CPQ: variants seen among roughly 807,000 people sequenced by gnomAD.
CPQ encodes carboxypeptidase Q.
Under a neutral mutation model 45.7 loss-of-function variants are expected in CPQ, and 37 were observed. The ratio of observed to expected loss-of-function variants is 0.81; its 90% CI spans 0.62 to 1.07. CPQ has a LOEUF of 1.07. CPQ is among the 50% of genes least tolerant of loss of function. The probability of loss-of-function intolerance (pLI) is 0.00; values close to 1 mark genes in which losing one functional copy is unlikely to be tolerated. For synonymous variants in CPQ, 186 were observed against 205.8 expected (o/e 0.90, Z 0.82); for missense variants, 537 against 572.9 (o/e 0.94, Z 0.64).
intron 1 of CPQ, among the ~76,000 whole-genome samples, chr8:96,648,388 C>T (rs1194343491): frequency 3.3e-5 from 5 of 152,182 alleles, no homozygotes; most frequent in African/African-American, 1.2e-4. Flanking sequence ...CCCTACCCTC[C>T]CTAAACCACT....
chr8:96,797,833 C>G (rs199596566), intron 2 of CPQ, among the ~76,000 whole-genome samples: 5 of 151,966 alleles, frequency 3.3e-5, no homozygotes, highest in Non-Finnish European at 7.4e-5. Flanking sequence ...AGGTGGATCA[C>G]GAGGTCAGGA....
rs371007842 is a variant in CPQ at position 96,691,818 on chromosome 8, C to A, written c.-35+46416C>A. Among the ~76,000 whole-genome samples the A allele has an allele frequency of 5.7e-4, 86 of 152,060 alleles. 1 individual carries two copies. Among genetic ancestry groups the A allele is most frequent in the African/African-American group, 2.0e-3 (82 of 41,402 alleles). On this transcript the variant is annotated intron_variant, in intron 1 of 7. Coordinates refer to ENST00000220763, the MANE Select transcript of CPQ (RefSeq NM_016134.4). Reference sequence around the variant, plus strand: ...GATGCTGGTATGAGAAGTGGCTTTTCGGTAGAGGCAAGCCTAATGGGGATT... The same window carrying A: ...GATGCTGGTATGAGAAGTGGCTTTTAGGTAGAGGCAAGCCTAATGGGGATT...
chr8:96,804,151 T>A (rs146717380), intron 2 of CPQ, among the ~76,000 whole-genome samples: 1 of 152,228 alleles, frequency 6.6e-6, no homozygotes, highest in East Asian at 1.9e-4. Flanking sequence ...CATGCAGGTG[T>A]GAGAGTATAA....
chr8:96,814,336 A>G (rs545868184), intron 2 of CPQ, among the ~76,000 whole-genome samples: 158 of 152,220 alleles, frequency 1.0e-3, no homozygotes, highest in Non-Finnish European at 1.9e-3. Context: ...TCTTCTAATT[A>G]TTTTGGAAAG....
At chr8:97,089,093 A>G (rs530935836) in intron 7 of CPQ, among the ~76,000 whole-genome samples, 1 of 152,108 alleles carries the variant, frequency 6.6e-6, no homozygotes, top group East Asian at 1.9e-4. Flanking sequence ...AAAATACAAA[A>G]TTAGCCAGGT....
At chr8:96,964,482 A>G (rs1362299171) in intron 4 of CPQ, among the ~76,000 whole-genome samples, 1 of 152,114 alleles carries the variant, frequency 6.6e-6, no homozygotes, top group Non-Finnish European at 1.5e-5. Context: ...TATGATTATT[A>G]GTAATTTGCA....
intron 7 of CPQ, among the ~76,000 whole-genome samples, chr8:97,122,243 C>G (rs896960034): frequency 6.6e-6 from 1 of 151,822 alleles, no homozygotes; most frequent in East Asian, 1.9e-4. Context: ...ATCAACTAGT[C>G]AGAAAGCAGC....
chr8:97,066,916 C>CTT lies in CPQ; in HGVS notation c.1255+734_1255+735dup, dbSNP rs752150876. ...TACAAGCTGGAACAGCTGGAACAGTCTTTTTTTTTTTTTTTTTTTTTTTTT... is the reference window on the plus strand; with the variant it reads ...TACAAGCTGGAACAGCTGGAACAGTCTTTTTTTTTTTTTTTTTTTTTTTTTTT... On this transcript the variant is annotated intron_variant, in intron 7 of 7. Transcript: ENST00000220763. Among the ~76,000 whole-genome samples, 395 of 60,390 alleles carry CTT rather than the reference C, an allele frequency of 6.5e-3. 30 individuals are homozygous for CTT. Among genetic ancestry groups the CTT allele is most frequent in the Non-Finnish European group, 8.3e-3 (264 of 31,796 alleles). The allele number at this position is 60,390 out of a possible 152,430, so 39.6% of individuals were successfully genotyped here.
intron 1 of CPQ, among the ~76,000 whole-genome samples, chr8:96,743,309 C>T (rs1460596379): frequency 6.6e-6 from 1 of 151,624 alleles, no homozygotes; most frequent in Non-Finnish European, 1.5e-5. Flanking sequence ...GTTCTCGAGC[C>T]TTGGTTTTCA....
intron 4 of CPQ, among the ~76,000 whole-genome samples, chr8:96,881,242 T>C (rs1812219574): frequency 6.6e-6 from 1 of 152,204 alleles, no homozygotes; most frequent in African/African-American, 2.4e-5. Flanking sequence ...TGGTTCACAG[T>C]TCTGCAGGCT....
intron 4 of CPQ, among the ~76,000 whole-genome samples, chr8:96,947,271 A>G (rs772439761): frequency 7.9e-5 from 12 of 152,214 alleles, no homozygotes; most frequent in Non-Finnish European, 1.6e-4. Flanking sequence ...GACTGGCCAC[A>G]TGTATGAAAG....
At chr8:96,688,697 T>G (rs1182392798) in intron 1 of CPQ, among the ~76,000 whole-genome samples, 2 of 152,192 alleles carry the variant, frequency 1.3e-5, no homozygotes, top group Non-Finnish European at 2.9e-5. Flanking sequence ...TGTATGCCTC[T>G]TTATATTTCA....
At chr8:96,697,094 C>T (rs1279175039) in intron 1 of CPQ, among the ~76,000 whole-genome samples, 2 of 152,148 alleles carry the variant, frequency 1.3e-5, no homozygotes, top group Non-Finnish European at 1.5e-5. Context: ...ACAGGCCAAT[C>T]TCCCTAATGA....
intron 5 of CPQ, among the ~76,000 whole-genome samples, chr8:97,010,648 C>T (rs368009029): frequency 1.8e-4 from 27 of 152,120 alleles, no homozygotes; most frequent in Admixed American, 1.5e-3. Context: ...GTTATGTAAT[C>T]GCTCTCCACA....
intron 7 of CPQ, among the ~76,000 whole-genome samples, chr8:97,101,503 C>T (rs1183665647): frequency 6.7e-6 from 1 of 150,082 alleles, no homozygotes; most frequent in East Asian, 2.0e-4. Context: ...TCCTTAGAGA[C>T]TCTGAGTCTA....
At chr8:96,655,491 C>A (rs533698545) in intron 1 of CPQ, among the ~76,000 whole-genome samples, 23 of 152,030 alleles carry the variant, frequency 1.5e-4, no homozygotes, top group African/African-American at 5.5e-4. Context: ...TCCATATATT[C>A]TTGTAGTTCA....
At chr8:96,784,345 A>G (rs1443327344) in intron 1 of CPQ, among the ~76,000 whole-genome samples, 2 of 151,740 alleles carry the variant, frequency 1.3e-5, no homozygotes, top group Admixed American at 1.3e-4. Flanking sequence ...CCTTTTGAAC[A>G]TAAGCATAAA....
chr8:96,746,161 C>T (rs1414658116), intron 1 of CPQ, among the ~76,000 whole-genome samples: 1 of 152,028 alleles, frequency 6.6e-6, no homozygotes. Context: ...GTCTATTTGG[C>T]CTGTTTAGAT....
At chr8:96,772,273 A>G (rs1417609351) in intron 1 of CPQ, among the ~76,000 whole-genome samples, 1 of 152,080 alleles carries the variant, frequency 6.6e-6, no homozygotes, top group Non-Finnish European at 1.5e-5. Context: ...CTTAGGAGCT[A>G]AATTTAAGAG....
Sources: allele counts gnomAD v4.1 joint callset (sites outside exome capture counted in the v4.1 genomes callset), GRCh38; gene constraint gnomAD v4.1.1; transcripts MANE v1.5; gene names NCBI Gene and HGNC (gene_info 2026-07-23, HGNC 2026-07-21).